The following TENM2 variants were observed in gnomAD, a reference collection of about 807,000 sequenced individuals.
TENM2 encodes the protein teneurin transmembrane protein 2.
A neutral mutation model predicts 245.2 loss-of-function variants in TENM2; 52 were observed. That is an observed-to-expected ratio of 0.21 (90% CI 0.17 to 0.27). The LOEUF is 0.27. Ranked by LOEUF, TENM2 falls within the 10% of genes least tolerant of loss-of-function variation. The pLI, the probability that TENM2 is intolerant of heterozygous loss-of-function variation, is 1.00. For synonymous variants in TENM2, 1,363 were observed against 1,438.9 expected (o/e 0.95, Z 1.19); for missense variants, 3,046 against 3,666.8 (o/e 0.83, Z 4.37).
At chr5:167,420,225 A>G (rs892634439) in intron 2 of TENM2, among the ~76,000 whole-genome samples, 1 of 152,216 alleles carries the variant, frequency 6.6e-6, no homozygotes, top group Admixed American at 6.5e-5. Flanking sequence ...ATTGTAGGCT[A>G]TGAGACCTTT....
At chr5:167,727,177 T>A (rs1279072321) in intron 2 of TENM2, among the ~76,000 whole-genome samples, 1 of 148,782 alleles carries the variant, frequency 6.7e-6, no homozygotes, top group Non-Finnish European at 1.5e-5. Context: ...TGGCGTGATC[T>A]TGGCTCACTG....
chr5:167,647,797 A>G (rs1377761091), intron 2 of TENM2, among the ~76,000 whole-genome samples: 1 of 152,124 alleles, frequency 6.6e-6, no homozygotes, highest in Admixed American at 6.5e-5. Flanking sequence ...TTGTAAGTTC[A>G]GTTTTAGATA....
intron 2 of TENM2, among the ~76,000 whole-genome samples, chr5:167,527,667 C>T (rs1297521665): frequency 6.6e-6 from 1 of 152,136 alleles, no homozygotes; most frequent in Non-Finnish European, 1.5e-5. Flanking sequence ...CTTATTTTTT[C>T]ATCAAATACA....
chr5:167,246,002 T>G, the TENM2 span, among the ~76,000 whole-genome samples: 1 of 152,142 alleles, frequency 6.6e-6, no homozygotes. Flanking sequence ...GAGAGAATGC[T>G]TCCCTTGTTC....
chr5:167,891,418 A>T (rs948553218), intron 3 of TENM2, among the ~76,000 whole-genome samples: 2 of 152,006 alleles, frequency 1.3e-5, no homozygotes, highest in Admixed American at 1.3e-4. Context: ...ATTACTCTTC[A>T]TTTCAGTGCT....
the TENM2 span, among the ~76,000 whole-genome samples, chr5:167,021,844 A>G: frequency 6.6e-6 from 1 of 152,230 alleles, no homozygotes; most frequent in South Asian, 2.1e-4. Context: ...GAAGACATTT[A>G]GCATCTCTGT....
At chr5:167,287,404 A>G (rs151230960) in intron 1 of TENM2, 1 of 152,234 alleles carries the variant, frequency 6.6e-6, no homozygotes, top group African/African-American at 2.4e-5. Flanking sequence ...CTAGAGGTAC[A>G]TTAACAAGGA....
intron 12 of TENM2, among the ~76,000 whole-genome samples, chr5:168,143,001 A>G (rs1161385198): frequency 6.6e-6 from 1 of 152,342 alleles, no homozygotes; most frequent in East Asian, 1.9e-4. Flanking sequence ...AGGGAATTAC[A>G]TGAATCCACT....
intron 2 of TENM2, among the ~76,000 whole-genome samples, chr5:167,404,045 G>T (rs1762501962): frequency 6.6e-6 from 1 of 151,798 alleles, no homozygotes; most frequent in African/African-American, 2.4e-5. Context: ...TTAAAATAAT[G>T]GTTTCATAGA....
At chr5:167,279,062 T>G in the TENM2 span, among the ~76,000 whole-genome samples, 2 of 152,222 alleles carry the variant, frequency 1.3e-5, no homozygotes, top group Non-Finnish European at 2.9e-5. Flanking sequence ...GGATTGTAGT[T>G]TGAAGATTCT....
intron 2 of TENM2, among the ~76,000 whole-genome samples, chr5:167,756,221 GAT>G (rs113575893): frequency 1.3e-5 from 2 of 150,910 alleles, no homozygotes; most frequent in African/African-American, 2.4e-5. Context: ...CATGTTGTAT[GAT>G]ATATATATAT....
chr5:167,494,671 T>A (rs1245428940), intron 2 of TENM2, among the ~76,000 whole-genome samples: 1 of 152,082 alleles, frequency 6.6e-6, no homozygotes, highest in Non-Finnish European at 1.5e-5. Flanking sequence ...TAATTTCAAG[T>A]GAAGTAAAAG....
the TENM2 span, among the ~76,000 whole-genome samples, chr5:167,204,616 C>T: frequency 6.6e-6 from 1 of 152,130 alleles, no homozygotes; most frequent in African/African-American, 2.4e-5. Context: ...CTTCAGTGGT[C>T]GAATTCACTG....
intron 3 of TENM2, among the ~76,000 whole-genome samples, chr5:167,929,503 A>G (rs1411766371): frequency 6.6e-6 from 1 of 152,200 alleles, no homozygotes; most frequent in African/African-American, 2.4e-5. Context: ...TGTTGAAGTC[A>G]TCTGTCTCTC....
intron 1 of TENM2, among the ~76,000 whole-genome samples, chr5:167,329,551 CAA>C (rs34165505): frequency 0.018 from 390 of 21,800 alleles, no homozygotes; most frequent in African/African-American, 0.067. Flanking sequence ...GACTCAGTCT[CAA>C]AAAAAAAAAA....
At chr5:168,106,157 G>A (rs1016099680) in intron 9 of TENM2, among the ~76,000 whole-genome samples, 1 of 152,128 alleles carries the variant, frequency 6.6e-6, no homozygotes, top group African/African-American at 2.4e-5. Context: ...GCTGTCACTG[G>A]AGGCCCAGAA....
intron 2 of TENM2, among the ~76,000 whole-genome samples, chr5:167,454,929 C>T (rs1236367657): frequency 6.6e-6 from 1 of 152,142 alleles, no homozygotes; most frequent in Admixed American, 6.5e-5. Flanking sequence ...GCAAGGGATG[C>T]TTCTTCAAGG....
intron 3 of TENM2, among the ~76,000 whole-genome samples, chr5:167,885,341 C>A (rs532672981): frequency 6.6e-5 from 10 of 152,064 alleles, no homozygotes; most frequent in Non-Finnish European, 1.3e-4. Context: ...TCTATGGCAG[C>A]CATTGTTCTA....
chr5:167,129,496 C>T, the TENM2 span, among the ~76,000 whole-genome samples: 1 of 152,154 alleles, frequency 6.6e-6, no homozygotes, highest in Non-Finnish European at 1.5e-5. Context: ...GGAAGGGACC[C>T]TCCAAATTGA....
Sources: gnomAD v4.1 joint callset for allele counts (sites outside exome capture counted in the v4.1 genomes callset) on GRCh38, gnomAD v4.1.1 for gene constraint, MANE v1.5 for transcripts, NCBI Gene and HGNC (gene_info 2026-07-23, HGNC 2026-07-21) for gene names.